The following PACRG variants were observed in gnomAD, a reference collection of about 807,000 sequenced individuals.
PACRG encodes parkin coregulated gene protein.
In PACRG, 29 loss-of-function variants were observed where a neutral mutation model predicts 29.7. The observed-to-expected ratio is 0.98, with a 90% CI of 0.73 to 1.33. PACRG has a LOEUF of 1.33. Ranked by LOEUF, PACRG falls within the 40% of genes most tolerant of loss-of-function variation. The probability of loss-of-function intolerance (pLI) is 0.00; values close to 1 mark genes in which losing one functional copy is unlikely to be tolerated. For synonymous variants in PACRG, 116 were observed against 118.7 expected (o/e 0.98, Z 0.15); for missense variants, 279 against 316.2 (o/e 0.88, Z 0.89).
chr6:163,114,918 G>C (rs1585232275), intron 4 of PACRG, among the ~76,000 whole-genome samples: 1 of 150,690 alleles, frequency 6.6e-6, no homozygotes, highest in African/African-American at 2.4e-5. Flanking sequence ...GCTTGATTAT[G>C]ATAATCATTT....
chr6:163,193,927 C>T (rs1780332984), intron 4 of PACRG, among the ~76,000 whole-genome samples: 1 of 134,110 alleles, frequency 7.5e-6, no homozygotes. Flanking sequence ...GAGTCTCATT[C>T]TGTCACCCAG....
At chr6:163,243,183 G>A (rs1782567593) in intron 4 of PACRG, among the ~76,000 whole-genome samples, 1 of 152,220 alleles carries the variant, frequency 6.6e-6, no homozygotes, top group Non-Finnish European at 1.5e-5. Context: ...TCCACTCTGA[G>A]TACTGAAGCT....
intron 4 of PACRG, among the ~76,000 whole-genome samples, chr6:163,268,970 C>T (rs1277972815): frequency 1.3e-5 from 2 of 152,170 alleles, no homozygotes; most frequent in Admixed American, 6.5e-5. Context: ...ACAGGCTTCT[C>T]ATCTGGCAAA....
intron 2 of PACRG, among the ~76,000 whole-genome samples, chr6:163,057,563 G>A (rs1810706488): frequency 6.6e-6 from 1 of 152,138 alleles, no homozygotes; most frequent in African/African-American, 2.4e-5. Flanking sequence ...CCACAGGTGT[G>A]TGCCACAACT....
At chr6:163,123,826 T>G (rs1280859428) in intron 4 of PACRG, among the ~76,000 whole-genome samples, 1 of 152,224 alleles carries the variant, frequency 6.6e-6, no homozygotes, top group Non-Finnish European at 1.5e-5. Flanking sequence ...AATGGTAGTA[T>G]TTCCTTCTTT....
At chr6:163,143,530 A>G (rs1777641006) in intron 4 of PACRG, among the ~76,000 whole-genome samples, 1 of 152,220 alleles carries the variant, frequency 6.6e-6, no homozygotes, top group Non-Finnish European at 1.5e-5. Context: ...TATGCCATGC[A>G]GCACTTGGAC....
chr6:162,886,150 C>T (rs765591862), intron 2 of PACRG, among the ~76,000 whole-genome samples: 12 of 152,134 alleles, frequency 7.9e-5, no homozygotes, highest in Non-Finnish European at 1.8e-4. Context: ...ATCTTGAACT[C>T]CTGACCTCAT....
At chr6:162,947,510 CTA>C (rs1363527920) in intron 2 of PACRG, among the ~76,000 whole-genome samples, 116 of 105,680 alleles carry the variant, frequency 1.1e-3, no homozygotes, top group Middle Eastern at 6.1e-3. Context: ...TATATATAAT[CTA>C]TATATATAAT....
At chr6:163,273,807 G>C (rs1366122321) in intron 4 of PACRG, among the ~76,000 whole-genome samples, 1 of 151,540 alleles carries the variant, frequency 6.6e-6, no homozygotes, top group African/African-American at 2.4e-5. Context: ...TGCTGTTTGG[G>C]TTTTCTAGTT....
intron 2 of PACRG, among the ~76,000 whole-genome samples, chr6:162,843,457 T>C: frequency 7.4e-6 from 1 of 135,444 alleles, no homozygotes. Context: ...ATCAGCTCCT[T>C]TAAGCACTTC....
chr6:163,116,901 C>T (rs488831), intron 4 of PACRG, among the ~76,000 whole-genome samples: 37,626 of 151,968 alleles, frequency 0.25, 5,102 homozygotes, highest in East Asian at 0.51. Flanking sequence ...GAGTCCTGGA[C>T]GTGGTGAGTC....
intron 3 of PACRG, among the ~76,000 whole-genome samples, chr6:163,081,566 C>T (rs990333809): frequency 6.6e-5 from 10 of 152,052 alleles, no homozygotes; most frequent in African/African-American, 1.9e-4. Context: ...AGACTAGCTT[C>T]GGCAACATAG....
At chr6:163,080,455 G>C (rs1345583432) in intron 3 of PACRG, among the ~76,000 whole-genome samples, 1 of 151,850 alleles carries the variant, frequency 6.6e-6, no homozygotes, top group African/African-American at 2.4e-5. Flanking sequence ...AGCAAGTGCA[G>C]GCCCAACCTG....
intron 4 of PACRG, among the ~76,000 whole-genome samples, chr6:163,099,164 C>T (rs1021095425): frequency 8.5e-5 from 13 of 152,208 alleles, no homozygotes; most frequent in South Asian, 4.2e-4. Context: ...ACCTTGTCAC[C>T]CCTCCACCCC....
At chr6:163,272,097 G>C (rs142958922) in intron 4 of PACRG, among the ~76,000 whole-genome samples, 3,790 of 147,172 alleles carry the variant, frequency 0.026, 72 homozygotes, top group Non-Finnish European at 0.041. Flanking sequence ...GGAGTGCAGT[G>C]GCCCAATCTT....
chr6:163,233,172 C>T (rs1239160065), intron 4 of PACRG, among the ~76,000 whole-genome samples: 1 of 152,248 alleles, frequency 6.6e-6, no homozygotes, highest in Non-Finnish European at 1.5e-5. Flanking sequence ...TGGGAATAAC[C>T]TGCTCACTAT....
At chr6:163,219,902 T>C (rs1781509106) in intron 4 of PACRG, among the ~76,000 whole-genome samples, 1 of 152,194 alleles carries the variant, frequency 6.6e-6, no homozygotes, top group Non-Finnish European at 1.5e-5. Context: ...TGTCCAAACA[T>C]GCTTCCCCAA....
chr6:163,079,251 A>G (rs1243623161), intron 3 of PACRG, among the ~76,000 whole-genome samples: 1 of 152,080 alleles, frequency 6.6e-6, no homozygotes, highest in Non-Finnish European at 1.5e-5. Flanking sequence ...AAATTGATAG[A>G]TTTGGATTCT....
At chr6:163,002,180 A>G (rs996511556) in intron 2 of PACRG, among the ~76,000 whole-genome samples, 3 of 152,224 alleles carry the variant, frequency 2.0e-5, no homozygotes, top group Non-Finnish European at 4.4e-5. Context: ...AGGTTGATCT[A>G]TATAACACAT....
Sources: gnomAD v4.1 joint callset for allele counts (sites outside exome capture counted in the v4.1 genomes callset) on GRCh38, gnomAD v4.1.1 for gene constraint, MANE v1.5 for transcripts, NCBI Gene and HGNC (gene_info 2026-07-23, HGNC 2026-07-21) for gene names.